The following PCSK6 variants were observed in gnomAD, a reference collection of about 807,000 sequenced individuals.
PCSK6 encodes the protein paired basic amino acid cleaving enzyme 4.
Under a neutral mutation model 123.3 loss-of-function variants are expected in PCSK6, and 85 were observed. The observed-to-expected ratio is 0.69, with a 90% CI of 0.58 to 0.83. PCSK6 has a LOEUF of 0.83. PCSK6 is among the 40% of genes least tolerant of loss of function. The pLI is 0.00. For synonymous variants in PCSK6, 508 were observed against 516.0 expected (o/e 0.98, Z 0.21); for missense variants, 1,191 against 1,282.3 (o/e 0.93, Z 1.09).
intron 14 of PCSK6, 26 bp downstream of exon 14, chr15:101,331,826 G>A (rs376282435): frequency 4.3e-5 from 69 of 1,610,208 alleles, no homozygotes; most frequent in African/African-American, 1.5e-4. Flanking sequence ...GAAGCTGGCC[G>A]TCTCCTCTTA....
intron 20 of PCSK6, 95 bp downstream of exon 20, chr15:101,313,281 C>A: frequency 6.3e-7 from 1 of 1,599,592 alleles, no homozygotes; most frequent in Non-Finnish European, 8.5e-7. Context: ...AACATGCCCT[C>A]CCCGGCCCCT....
rs141852036 is a variant in PCSK6, at chr15:101,437,231, C to T, written c.403-5131G>A. ...GATTGGTCCTGTGGCTGTCATCTTC[C>T]AGCAGGGCAAGAGGGCCATCGTGAC... On this transcript the variant is annotated intron_variant, in intron 2 of 21. Coordinates refer to ENST00000611716, the MANE Select transcript of PCSK6 (RefSeq NM_002570.5). Among the ~76,000 whole-genome samples the T allele has an allele frequency of 3.7e-3, 562 of 152,308 alleles. 2 individuals carry two copies. Among genetic ancestry groups the T allele is most frequent in the Non-Finnish European group, 5.4e-3 (369 of 68,024 alleles).
Position 101,446,553 on chromosome 15 carries a change from T to A in PCSK6, c.298-2893A>T, listed in dbSNP as rs534877897. Among the ~76,000 whole-genome samples the A allele has an allele frequency of 3.3e-5, 5 of 152,306 alleles. No homozygotes were observed. In the South Asian group the frequency reaches 8.3e-4, roughly 25 times the overall value. On this transcript the variant is annotated intron_variant, in intron 1 of 21. Coordinates refer to ENST00000611716, the MANE Select transcript of PCSK6 (RefSeq NM_002570.5). ...CTTGGAACATAGCCACACCCACCCT[T>A]TCCCTACTGTTCATGGCTGCCTTCC...
At chr15:101,409,919 G>A (rs1448292153) in intron 6 of PCSK6, among the ~76,000 whole-genome samples, 5 of 152,086 alleles carry the variant, frequency 3.3e-5, no homozygotes, top group Admixed American at 3.3e-4. Context: ...TCTGGGAGGG[G>A]CCTTCACACT....
At chr15:101,363,890 G>A (rs1288728780) in intron 13 of PCSK6, among the ~76,000 whole-genome samples, 4 of 151,538 alleles carry the variant, frequency 2.6e-5, no homozygotes, top group Non-Finnish European at 4.4e-5. Flanking sequence ...CACCCGCCTC[G>A]GCCTCCCAAA....
chr15:101,338,423 C>CA (rs1232973848), intron 13 of PCSK6, among the ~76,000 whole-genome samples: 1 of 152,188 alleles, frequency 6.6e-6, no homozygotes, highest in Non-Finnish European at 1.5e-5. Flanking sequence ...CCTCCACACT[C>CA]AGTCACCCCC....
At chr15:101,436,803 G>A (rs1381978690) in intron 2 of PCSK6, among the ~76,000 whole-genome samples, 5 of 152,162 alleles carry the variant, frequency 3.3e-5, no homozygotes, top group African/African-American at 7.2e-5. Context: ...TGAGCACCTC[G>A]CTGGGCCAAC....
intron 1 of PCSK6, among the ~76,000 whole-genome samples, chr15:101,479,579 C>T (rs762137641): frequency 2.0e-5 from 3 of 152,138 alleles, no homozygotes; most frequent in Non-Finnish European, 4.4e-5. Context: ...GGGCTGTGGT[C>T]GGTGCATGCA....
Position 101,354,999 on chromosome 15 carries a change from G to A in PCSK6, c.1858+11197C>T, listed in dbSNP as rs540757711. On this transcript the variant is annotated intron_variant, in intron 13 of 21. Coordinates refer to ENST00000611716, the MANE Select transcript of PCSK6 (RefSeq NM_002570.5). ...GCACCCAGTGCCTGCTGGAGAACACGTAGGTGCTAATCATCATCCTATTCC... is the reference window on the plus strand; with the variant it reads ...GCACCCAGTGCCTGCTGGAGAACACATAGGTGCTAATCATCATCCTATTCC... Among the ~76,000 whole-genome samples, 28 of 152,214 alleles carry A rather than the reference G, an allele frequency of 1.8e-4. No homozygotes were observed. The South Asian group carries it at 2.3e-3, about 12-fold the overall frequency.
In PCSK6 at chr15:101,305,604, A is replaced by G. The variant is rs2039705294; in HGVS notation, c.2813-249T>C. On this transcript the variant is annotated intron_variant, in intron 21 of 21. Coordinates refer to ENST00000611716, the MANE Select transcript of PCSK6 (RefSeq NM_002570.5). This position sits in a 1 kb window ranked among gnomAD's most constrained non-coding sequence, Gnocchi z 4.8. ...GCACCTGTAATCCAAGCTACTCGGG[A>G]GGCTAAAGCAGGAGAACCACCTGAA... The G allele has an allele frequency of 2.5e-6, 1 of 402,580 alleles. No homozygotes were observed. The highest frequency in any genetic ancestry group is 4.6e-6 in the Non-Finnish European group (1 of 217,890). The allele number at this position is 402,580 out of a possible 1,614,324, so 24.9% of individuals were successfully genotyped here. A position where few individuals can be genotyped will look rare whatever the true frequency, so the allele number is the denominator to read the frequency against.
intron 13 of PCSK6, 131 bp downstream of exon 13, chr15:101,366,065 T>C (rs2041377543): frequency 4.1e-6 from 4 of 975,176 alleles, no homozygotes; most frequent in Admixed American, 3.1e-5. Flanking sequence ...TGGTGAATTT[T>C]CTGTTATGGG....
chr15:101,384,358 C>T lies in PCSK6; in HGVS notation c.1378G>A (p.Ala460Thr). 6.2e-7 allele frequency: 1 copy of T among 1,613,926 alleles called. No individual in the cohort carries two copies. Among genetic ancestry groups the T allele is most frequent in the Non-Finnish European group, 8.5e-7 (1 of 1,179,844 alleles). Residue 460 changes from alanine to threonine, a missense_variant, in exon 10 of 22, where the codon GCG becomes ACG. Coordinates refer to ENST00000611716, the MANE Select transcript of PCSK6 (RefSeq NM_002570.5). ...VKTSRPAHLKASDWKVNGAGH... is the reference protein window; with the variant it reads ...VKTSRPAHLKTSDWKVNGAGH... ...GCGCCGTTCACTTTCCAGTCGCTCG[C>T]TTTCAGGTGGGCCGGCCGGGATGTC...
intron 1 of PCSK6, 64 bp from the exon 2 acceptor site, chr15:101,443,724 A>C (rs1190147708): frequency 1.7e-6 from 2 of 1,180,182 alleles, no homozygotes; most frequent in East Asian, 4.7e-5. Context: ...AAAATCTTCC[A>C]CCCCACAAGA....
intron 1 of PCSK6, among the ~76,000 whole-genome samples, chr15:101,476,697 C>G (rs112625005): frequency 6.6e-6 from 1 of 152,030 alleles, no homozygotes; most frequent in South Asian, 2.1e-4. Flanking sequence ...AATCAGGGAT[C>G]GGATGAGGGG....
intron 9 of PCSK6, among the ~76,000 whole-genome samples, chr15:101,386,695 T>G (rs542794845): frequency 2.6e-5 from 4 of 152,354 alleles, no homozygotes; most frequent in Admixed American, 2.6e-4. Flanking sequence ...AGGCTGAATG[T>G]TCCACGTGTG....
chr15:101,407,708 C>T (rs1312501099), intron 6 of PCSK6, among the ~76,000 whole-genome samples: 1 of 152,206 alleles, frequency 6.6e-6, no homozygotes, highest in Non-Finnish European at 1.5e-5. Context: ...GGCCTCTGGC[C>T]CGTGTCTTCC....
chr15:101,373,768 A>G (rs1346728501), intron 11 of PCSK6, among the ~76,000 whole-genome samples: 1 of 152,234 alleles, frequency 6.6e-6, no homozygotes, highest in Admixed American at 6.5e-5. Context: ...TCTCCACCCT[A>G]CAGTTATTTC....
chr15:101,487,973 A>G (rs144790675), intron 1 of PCSK6, among the ~76,000 whole-genome samples: 166 of 152,332 alleles, frequency 1.1e-3, no homozygotes, highest in African/African-American at 3.8e-3. Context: ...GCATATATTT[A>G]AAAGGTCTCC....
intron 1 of PCSK6, among the ~76,000 whole-genome samples, chr15:101,449,125 C>A (rs2056967556): frequency 6.6e-6 from 1 of 152,048 alleles, no homozygotes; most frequent in African/African-American, 2.4e-5. Flanking sequence ...CTGCAGATGC[C>A]AAAATCCACA....
Sources: gnomAD v4.1 joint callset for allele counts (sites outside exome capture counted in the v4.1 genomes callset) on GRCh38, gnomAD v4.1.1 for gene constraint, Gnocchi (gnomAD v3.1) non-coding constraint, MANE v1.5 for transcripts, NCBI Gene and HGNC (gene_info 2026-07-23, HGNC 2026-07-21) for gene names.